The following LRRC4C variants were observed in gnomAD, a reference collection of about 807,000 sequenced individuals.
LRRC4C encodes the protein leucine rich repeat containing 4C.
Under a neutral mutation model 33.6 loss-of-function variants are expected in LRRC4C, and 5 were observed. That is an observed-to-expected ratio of 0.15 (90% CI 0.08 to 0.31). The LOEUF is 0.31. Among genes scored for constraint, LRRC4C ranks in the 10% least tolerant of loss-of-function variants. The pLI, the probability that LRRC4C is intolerant of heterozygous loss-of-function variation, is 1.00. For synonymous variants in LRRC4C, 329 were observed against 302.0 expected, an observed-to-expected ratio of 1.09 and a Z score of -0.93; for missense variants, 560 against 796.7, an observed-to-expected ratio of 0.70 and a Z score of 3.58.
chr11:40,756,633 T>G (rs1948961464), intron 2 of LRRC4C, among the ~76,000 whole-genome samples: 1 of 152,048 alleles, frequency 6.6e-6, no homozygotes, highest in Non-Finnish European at 1.5e-5. Flanking sequence ...GTCCTTCAAG[T>G]TTTGACAAAT....
At chr11:40,302,900 T>C (rs1275834636) in intron 4 of LRRC4C, among the ~76,000 whole-genome samples, 4 of 152,188 alleles carry the variant, frequency 2.6e-5, no homozygotes, top group Non-Finnish European at 5.9e-5. Context: ...CTGACATTCA[T>C]TGTTTGTGCT....
intron 2 of LRRC4C, among the ~76,000 whole-genome samples, chr11:40,775,271 G>A (rs547108794): frequency 5.9e-5 from 9 of 152,070 alleles, no homozygotes; most frequent in South Asian, 2.1e-4. Flanking sequence ...TTAGCTGGGC[G>A]TGGTGGCTGG....
chr11:40,311,910 A>G (rs1343420092), intron 4 of LRRC4C, among the ~76,000 whole-genome samples: 1 of 141,558 alleles, frequency 7.1e-6, no homozygotes, highest in Non-Finnish European at 1.5e-5. Context: ...GTGCCACTGC[A>G]CTCCAGCCTG....
chr11:41,196,962 A>G (rs1285972354), intron 1 of LRRC4C, among the ~76,000 whole-genome samples: 2 of 152,066 alleles, frequency 1.3e-5, no homozygotes, highest in African/African-American at 2.4e-5. Context: ...GAAAGACATT[A>G]AAGTATTAAA....
chr11:40,817,054 G>A (rs1951734490), intron 2 of LRRC4C, among the ~76,000 whole-genome samples: 1 of 152,086 alleles, frequency 6.6e-6, no homozygotes, highest in South Asian at 2.1e-4. Context: ...CTAGCATAAT[G>A]ACAGCTGTCT....
chr11:40,389,537 C>A (rs1471379422), intron 3 of LRRC4C, among the ~76,000 whole-genome samples: 7 of 151,368 alleles, frequency 4.6e-5, no homozygotes, highest in African/African-American at 1.7e-4. Context: ...TATCTAGAAA[C>A]TAGGAGGTTA....
chr11:40,972,947 AGTTTCTCAT>A (rs1851828321), intron 1 of LRRC4C, among the ~76,000 whole-genome samples: 1 of 152,154 alleles, frequency 6.6e-6, no homozygotes. Flanking sequence ...TCATGGGGGC[AGTTTCTCAT>A]GTTTAACACC....
chr11:40,673,659 T>C (rs946031743), intron 2 of LRRC4C, among the ~76,000 whole-genome samples: 1 of 152,178 alleles, frequency 6.6e-6, no homozygotes, highest in African/African-American at 2.4e-5. Flanking sequence ...TAATGGAACG[T>C]TTAAGCACAA....
chr11:40,177,703 C>G (rs1860624168), intron 5 of LRRC4C, among the ~76,000 whole-genome samples: 1 of 152,194 alleles, frequency 6.6e-6, no homozygotes, highest in South Asian at 2.1e-4. Flanking sequence ...TTCTCTTATG[C>G]AGTTCCATTT....
chr11:40,533,218 T>C (rs1956341362), intron 3 of LRRC4C, among the ~76,000 whole-genome samples: 1 of 152,188 alleles, frequency 6.6e-6, no homozygotes, highest in Admixed American at 6.6e-5. Flanking sequence ...ACTGTAACTA[T>C]TAAATTGATT....
intron 5 of LRRC4C, among the ~76,000 whole-genome samples, chr11:40,235,103 G>A (rs1295481837): frequency 6.6e-6 from 1 of 152,170 alleles, no homozygotes; most frequent in Non-Finnish European, 1.5e-5. Flanking sequence ...AATTTAAGCA[G>A]CAATTTCCTT....
rs765252333 is a variant in LRRC4C, at chr11:40,898,353, C to CAAAAAAAAAAAAAAA, written c.-407+35267_-407+35281dup. On this transcript the variant is annotated intron_variant, in intron 2 of 6. Transcript: ENST00000528697. ...GGGCAACAAGAGTGAAACTCCATCTCAAAAAAAAAAAAAAAAAAAGAAAAA... is the reference window on the plus strand; with the variant it reads ...GGGCAACAAGAGTGAAACTCCATCTCAAAAAAAAAAAAAAAAAAAAAAAAAAAAAAAAAAGAAAAA... Among the ~76,000 whole-genome samples, 64 of 38,284 alleles carry CAAAAAAAAAAAAAAA rather than the reference C, an allele frequency of 1.7e-3. 3 individuals are homozygous for CAAAAAAAAAAAAAAA. The highest frequency in any genetic ancestry group is 3.8e-3 in the African/African-American group (36 of 9,570). 25.1% of individuals were successfully genotyped at this position (38,284 alleles called of 152,430 possible). A position where few individuals can be genotyped will look rare whatever the true frequency, so the allele number is the denominator to read the frequency against.
chr11:41,316,274 A>C (rs1466388644), intron 1 of LRRC4C, among the ~76,000 whole-genome samples: 4 of 150,266 alleles, frequency 2.7e-5, no homozygotes, highest in East Asian at 2.0e-4. Flanking sequence ...AAAAAAAAAA[A>C]AAAAACAAAA....
intron 3 of LRRC4C, among the ~76,000 whole-genome samples, chr11:40,355,994 G>GTATAGTATAGTATAGTATAA (rs1352839349): frequency 1.6e-4 from 25 of 151,608 alleles, no homozygotes; most frequent in African/African-American, 6.1e-4. Context: ...GTATAGTATA[G>GTATAGTATAGTATAGTATAA]TATGAGATTA....
intron 1 of LRRC4C, among the ~76,000 whole-genome samples, chr11:41,369,083 T>A (rs569323923): frequency 2.0e-3 from 299 of 152,262 alleles, no homozygotes; most frequent in Non-Finnish European, 3.3e-3. Context: ...GAAATATTAG[T>A]CAAGCACCAA....
At chr11:40,728,261 G>T (rs550295299) in intron 2 of LRRC4C, among the ~76,000 whole-genome samples, 2 of 152,082 alleles carry the variant, frequency 1.3e-5, no homozygotes, top group East Asian at 3.9e-4. Flanking sequence ...ATTAAAAATA[G>T]AACTACCATT....
intron 5 of LRRC4C, among the ~76,000 whole-genome samples, chr11:40,179,246 C>T (rs1046716737): frequency 1.3e-5 from 2 of 151,982 alleles, no homozygotes; most frequent in Non-Finnish European, 2.9e-5. Context: ...CTCAAGGATC[C>T]TCCCATCTCA....
intron 3 of LRRC4C, among the ~76,000 whole-genome samples, chr11:40,342,665 C>G (rs1050294647): frequency 6.6e-6 from 1 of 152,102 alleles, no homozygotes; most frequent in Non-Finnish European, 1.5e-5. Context: ...GAAACACTGG[C>G]TGGCATAATC....
At chr11:41,359,371 G>A (rs1305553475) in intron 1 of LRRC4C, among the ~76,000 whole-genome samples, 4 of 152,042 alleles carry the variant, frequency 2.6e-5, no homozygotes, top group Non-Finnish European at 4.4e-5. Context: ...TTTCAATGTA[G>A]GATAATCAAC....
Sources: allele counts gnomAD v4.1 joint callset (sites outside exome capture counted in the v4.1 genomes callset), GRCh38; gene constraint gnomAD v4.1.1; transcripts MANE v1.5; gene names NCBI Gene and HGNC (gene_info 2026-07-23, HGNC 2026-07-21).